The following IFI16 variants were observed in gnomAD, a reference collection of about 807,000 sequenced individuals.
IFI16 encodes the protein gamma-interferon-inducible protein 16.
In IFI16, 49 loss-of-function variants were observed where a neutral mutation model predicts 68.4. The ratio of observed to expected loss-of-function variants is 0.72; its 90% CI spans 0.57 to 0.91. The LOEUF (loss-of-function observed/expected upper bound fraction) is 0.91, where lower values mean the gene tolerates loss of function less well. IFI16 is among the 40% of genes least tolerant of loss of function. The probability of loss-of-function intolerance (pLI) is 0.00; values close to 1 mark genes in which losing one functional copy is unlikely to be tolerated. For synonymous variants in IFI16, 307 were observed against 315.0 expected (o/e 0.97, Z 0.27); for missense variants, 878 against 942.9 (o/e 0.93, Z 0.90).
At chr1:159,017,499 A>G (rs1244405168) in intron 4 of IFI16, among the ~76,000 whole-genome samples, 1 of 151,372 alleles carries the variant, frequency 6.6e-6, no homozygotes, top group Non-Finnish European at 1.5e-5. Context: ...TTTATTGATC[A>G]TTTTAAATGT....
chr1:159,027,833 A>C (rs1653767245), intron 6 of IFI16, among the ~76,000 whole-genome samples: 1 of 152,122 alleles, frequency 6.6e-6, no homozygotes, highest in Admixed American at 6.5e-5. Flanking sequence ...GATCTTTTGT[A>C]TTTGTGTGAT....
intron 7 of IFI16, among the ~76,000 whole-genome samples, chr1:159,036,682 G>A (rs1654346557): frequency 6.6e-6 from 1 of 152,190 alleles, no homozygotes; most frequent in South Asian, 2.1e-4. Flanking sequence ...ATCAGGTGCT[G>A]TAAGTCTCTG....
intron 3 of IFI16, among the ~76,000 whole-genome samples, chr1:159,016,260 C>T (rs188472331): frequency 6.6e-6 from 1 of 152,236 alleles, no homozygotes; most frequent in Non-Finnish European, 1.5e-5. Context: ...AGTACTTTGT[C>T]CATGTGTATA....
At chr1:159,008,535 G>T (rs1208802426), upstream of IFI16, among the ~76,000 whole-genome samples, 2 of 152,156 alleles carry the variant, frequency 1.3e-5, no homozygotes, top group Non-Finnish European at 2.9e-5. Flanking sequence ...CATATAAAAT[G>T]ATTATAAGTA....
intron 6 of IFI16, among the ~76,000 whole-genome samples, chr1:159,023,481 A>G (rs1653466323): frequency 6.6e-6 from 1 of 152,220 alleles, no homozygotes; most frequent in South Asian, 2.1e-4. Flanking sequence ...TAACAGAGCA[A>G]CATGGATTTA....
chr1:159,015,047 C>T, intron 2 of IFI16, 102 bp downstream of exon 2: 3 of 1,120,328 alleles, frequency 2.7e-6, no homozygotes, highest in South Asian at 3.1e-5. Flanking sequence ...GTGTTTTCCC[C>T]AGTTTGTGAC....
chr1:159,041,733 G>A (rs1004456824), intron 7 of IFI16, among the ~76,000 whole-genome samples: 5 of 152,092 alleles, frequency 3.3e-5, no homozygotes, highest in Non-Finnish European at 5.9e-5. Flanking sequence ...TATAATCCTG[G>A]TCCTGTGTAG....
At chr1:159,039,751 T>A (rs1654514217) in intron 7 of IFI16, among the ~76,000 whole-genome samples, 1 of 152,182 alleles carries the variant, frequency 6.6e-6, no homozygotes, top group Admixed American at 6.6e-5. Flanking sequence ...AATAAAGTCT[T>A]CTCAAGACTT....
intron 6 of IFI16, among the ~76,000 whole-genome samples, chr1:159,031,376 C>T (rs534117175): frequency 3.3e-5 from 5 of 152,280 alleles, no homozygotes; most frequent in East Asian, 1.9e-4. Flanking sequence ...ATTTTGTGTT[C>T]GGTCGAAACT....
intron 9 of IFI16, among the ~76,000 whole-genome samples, chr1:159,050,542 A>C (rs957807229): frequency 1.3e-5 from 2 of 152,130 alleles, no homozygotes; most frequent in African/African-American, 4.8e-5. Flanking sequence ...TAAAGCCATC[A>C]CTCACAGGTG....
At chr1:159,016,876 T>C (rs576691928) in intron 4 of IFI16, among the ~76,000 whole-genome samples, 176 bp downstream of exon 4, 1 of 152,366 alleles carries the variant, frequency 6.6e-6, no homozygotes, top group East Asian at 1.9e-4. Flanking sequence ...AACTTGACAT[T>C]ATCTCTGACT....
At chr1:159,023,779 A>G (rs1653483448) in intron 6 of IFI16, among the ~76,000 whole-genome samples, 1 of 152,214 alleles carries the variant, frequency 6.6e-6, no homozygotes, top group South Asian at 2.1e-4. Context: ...GCGTGGACTG[A>G]TGGGCAAGCT....
At chr1:159,022,540 C>T (rs1387564777) in intron 6 of IFI16, among the ~76,000 whole-genome samples, 1 of 151,986 alleles carries the variant, frequency 6.6e-6, no homozygotes, top group Non-Finnish European at 1.5e-5. Context: ...CTGGCTAGCA[C>T]TTAGAACTTT....
chr1:159,035,696 C>G (rs1296706836), intron 7 of IFI16, among the ~76,000 whole-genome samples: 3 of 152,058 alleles, frequency 2.0e-5, no homozygotes, highest in Non-Finnish European at 4.4e-5. Flanking sequence ...AAGATTTTCT[C>G]TATGGTATAC....
At chr1:159,032,744 A>G in intron 7 of IFI16, 53 bp downstream of exon 7, 1 of 1,401,894 alleles carries the variant, frequency 7.1e-7, no homozygotes, top group South Asian at 1.5e-5. Context: ...ATTTACAGGG[A>G]TCATTAGACT....
At chr1:159,032,764 GCTA>G in intron 7 of IFI16, 73 bp downstream of exon 7, 15 of 1,224,972 alleles carry the variant, frequency 1.2e-5, no homozygotes, top group Non-Finnish European at 1.7e-5. Context: ...TGTTGAAAGA[GCTA>G]CTGCTGTAAT....
chr1:159,043,026 G>T (rs527260681), intron 7 of IFI16, among the ~76,000 whole-genome samples: 2 of 152,084 alleles, frequency 1.3e-5, no homozygotes, highest in Non-Finnish European at 2.9e-5. Context: ...AGCTGCCCCC[G>T]GCCCAGGTTG....
chr1:159,014,722 A>G lies in IFI16; in HGVS notation c.42A>G (p.Leu14=). The change falls in exon 2 of 12, where the codon TTA becomes TTG. Residue 14 remains leucine, a synonymous_variant. Transcript: ENST00000295809. Reference sequence around the variant, plus strand: ...AGAACATTGTTCTACTAAAAGGATTAGAGGTCATCAATGATTATCATTTTA... The same window carrying G: ...AGAACATTGTTCTACTAAAAGGATTGGAGGTCATCAATGATTATCATTTTA... ...KYKNIVLLKG[L]EVINDYHFRM... 6.2e-7 allele frequency: 1 copy of G among 1,608,790 alleles called. No individual in the cohort carries two copies. Among genetic ancestry groups the G allele is most frequent in the East Asian group, 2.2e-5 (1 of 44,854 alleles).
intron 7 of IFI16, among the ~76,000 whole-genome samples, chr1:159,040,629 G>C (rs1557877172): frequency 6.6e-6 from 1 of 152,154 alleles, no homozygotes; most frequent in African/African-American, 2.4e-5. Context: ...ACCTTGATCT[G>C]GGGTATCCAT....
Sources: gnomAD v4.1 joint callset for allele counts (sites outside exome capture counted in the v4.1 genomes callset) on GRCh38, gnomAD v4.1.1 for gene constraint, MANE v1.5 for transcripts, NCBI Gene and HGNC (gene_info 2026-07-23, HGNC 2026-07-21) for gene names.